MFSD12: variants seen among roughly 807,000 people sequenced by gnomAD.
MFSD12 encodes major facilitator superfamily domain containing 12.
In MFSD12, 67 loss-of-function variants were observed where a neutral mutation model predicts 51.2. The ratio of observed to expected loss-of-function variants is 1.31; its 90% confidence interval spans 1.08 to 1.60. The LOEUF is 1.60. Among genes scored for constraint, MFSD12 ranks in the 40% most tolerant of loss-of-function variants. The pLI is 0.00. For missense variants in MFSD12, 921 were observed against 673.0 expected (o/e 1.37, Z -4.08); for synonymous variants, 441 against 316.7 (o/e 1.39, Z -4.17).
intron 1 of MFSD12, among the ~76,000 whole-genome samples, chr19:3,552,754 G>C (rs561614193): frequency 3.3e-5 from 5 of 152,120 alleles, no homozygotes; most frequent in Non-Finnish European, 7.3e-5. Context: ...CAAAGTGCTC[G>C]GATTACAGAC....
chr19:3,543,290 A>ACACGCTGGAAGTACACGCC, downstream of MFSD12: 2 of 1,548,508 alleles, frequency 1.3e-6, no homozygotes. Context: ...CAGGCAGGCC[A>ACACGCTGGAAGTACACGCC]CACGCTGGAA....
At chr19:3,544,062 C>T (rs1427529827), downstream of MFSD12, 18 of 1,478,002 alleles carry the variant, frequency 1.2e-5, no homozygotes, top group African/African-American at 4.2e-5. Flanking sequence ...TGAGGGGGCA[C>T]TAACCTAGTC....
chr19:3,556,542 G>T (rs565749205), intron 1 of MFSD12, among the ~76,000 whole-genome samples: 1 of 151,490 alleles, frequency 6.6e-6, no homozygotes, highest in South Asian at 2.1e-4. Flanking sequence ...TGGACAGATG[G>T]GGGAGGCACT....
chr19:3,549,659 G>C (rs570409120), intron 2 of MFSD12, among the ~76,000 whole-genome samples: 9 of 149,408 alleles, frequency 6.0e-5, no homozygotes, highest in Admixed American at 2.7e-4. Context: ...GGAGGCAGAG[G>C]TTGCAGTGAG....
chr19:3,543,938 G>A (rs779943940), downstream of MFSD12: 2 of 1,551,230 alleles, frequency 1.3e-6, no homozygotes, highest in South Asian at 1.2e-5. Flanking sequence ...ACTACCGGGA[G>A]TGGGTCCTGG....
chr19:3,547,498 G>C lies in MFSD12; in HGVS notation c.887C>G (p.Thr296Ser). The change falls in exon 5 of 10, where the codon ACC becomes AGC. Residue 296 changes from threonine (T) to serine (S), a missense_variant. Physicochemically the swap from Thr to Ser is moderately conservative, Grantham distance 58. Transcript: ENST00000355415. ...TTRLIVNLSQ[T>S]YMAMYLTYSL... ...GTAGGTGAGGTACATGGCCATGTAG[G>C]TCTGGGACAGGTTCACGATGAGCCT... 5 of 1,613,096 alleles carry C rather than the reference G, an allele frequency of 3.1e-6. No homozygotes were observed. The highest frequency in any genetic ancestry group is 3.4e-6 in the Non-Finnish European group (4 of 1,179,936).
chr19:3,540,491 C>G (rs2030293839), downstream of MFSD12, among the ~76,000 whole-genome samples: 1 of 151,514 alleles, frequency 6.6e-6, no homozygotes, highest in Non-Finnish European at 1.5e-5. Context: ...CTCCTGACCT[C>G]ATGATCTGCC....
intron 6 of MFSD12, 68 bp from the exon 7 acceptor site, chr19:3,546,493 C>T: frequency 8.6e-6 from 13 of 1,507,344 alleles, no homozygotes; most frequent in Non-Finnish European, 1.2e-5. Context: ...TTCAATCCGC[C>T]ACCCCTACCC....
In MFSD12 at chr19:3,548,086, C is replaced by A. The variant is rs762680591; in HGVS notation, c.654+37G>T. Reference sequence around the variant, plus strand: ...GCGGGCCCAGCCCCCGCCCCTGGCTCGAGGACTTCAGGCGACCCACCCGGA... The same window carrying A: ...GCGGGCCCAGCCCCCGCCCCTGGCTAGAGGACTTCAGGCGACCCACCCGGA... On this transcript the variant is annotated intron_variant, in intron 3 of 9. Coordinates refer to ENST00000355415, the MANE Select transcript of MFSD12 (RefSeq NM_174983.5). 2.5e-6 allele frequency: 4 copies of A among 1,602,480 alleles called. No individual in the cohort carries two copies. The African/African-American group carries it at 5.3e-5, about 21-fold the overall frequency.
In MFSD12 at chr19:3,544,833, G is replaced by A. The variant is rs753069855; in HGVS notation, c.1396C>T (p.Leu466=). Residue 466 remains leucine (L), a synonymous_variant, in exon 9 of 10, where the codon CTG becomes TTG. Coordinates refer to ENST00000355415, the MANE Select transcript of MFSD12 (RefSeq NM_174983.5). ...AAALCLCSLL[L]WPTRLRRWDR... Reference sequence around the variant, plus strand: ...CAGCGTCGCAGGCGGGTCGGCCACAGCAGGAGGCTACAGAGACACAGGGCA... The same window carrying A: ...CAGCGTCGCAGGCGGGTCGGCCACAACAGGAGGCTACAGAGACACAGGGCA... The A allele has an allele frequency of 6.2e-7, 1 of 1,612,580 alleles. No homozygotes were observed. The highest frequency in any genetic ancestry group is 8.5e-7 in the Non-Finnish European group (1 of 1,179,696).
downstream of MFSD12, chr19:3,539,383 T>C (rs945344554): frequency 1.9e-5 from 12 of 643,378 alleles, no homozygotes; most frequent in Admixed American, 4.9e-5. Flanking sequence ...AAAAGGCTCA[T>C]GTGTGTGACG....
At chr19:3,545,831 A>AC (rs536581482) in intron 8 of MFSD12, among the ~76,000 whole-genome samples, 136 of 152,150 alleles carry the variant, frequency 8.9e-4, no homozygotes, top group Non-Finnish European at 1.7e-3. Context: ...AGCTGGGCCC[A>AC]CCCCCGATAT....
intron 6 of MFSD12, among the ~76,000 whole-genome samples, chr19:3,546,677 A>G (rs1038467568): frequency 6.6e-6 from 1 of 152,218 alleles, no homozygotes; most frequent in Non-Finnish European, 1.5e-5. Flanking sequence ...AGTTACAACG[A>G]AAGCAAACGA....
chr19:3,538,676 A>G, exon 5 of MFSD12: 1 of 455,868 alleles, frequency 2.2e-6, no homozygotes, highest in Non-Finnish European at 4.5e-6. Context: ...TGATCCCCTC[A>G]CCTTCACTGG....
At chr19:3,543,489 C>A (rs767395852), downstream of MFSD12, 1,264 of 1,521,030 alleles carry the variant, frequency 8.3e-4, 13 homozygotes, top group Non-Finnish European at 8.5e-4. Context: ...TGCCCCCCCC[C>A]CCGCCCTGGG....
intron 2 of MFSD12, 34 bp from the exon 3 acceptor site, chr19:3,548,301 G>C (rs372067143): frequency 6.5e-7 from 1 of 1,542,486 alleles, no homozygotes; most frequent in Non-Finnish European, 8.7e-7. Context: ...TCAACAAGAC[G>C]CCAGGAACCT....
At chr19:3,543,897 G>C (rs977893732), downstream of MFSD12, 4 of 1,550,808 alleles carry the variant, frequency 2.6e-6, no homozygotes, top group Non-Finnish European at 3.5e-6. Flanking sequence ...CTCCCTGTCG[G>C]CACCCCAGCG....
At chr19:3,554,656 C>T (rs1044382939) in intron 1 of MFSD12, among the ~76,000 whole-genome samples, 12 of 152,318 alleles carry the variant, frequency 7.9e-5, no homozygotes, top group African/African-American at 2.6e-4. Context: ...TCCGTCAAAA[C>T]CTCAAAGTTA....
chr19:3,553,626 C>T (rs1248192617), intron 1 of MFSD12, among the ~76,000 whole-genome samples: 1 of 147,274 alleles, frequency 6.8e-6, no homozygotes, highest in South Asian at 2.2e-4. Flanking sequence ...AAAAATTAGC[C>T]GGGCGTGGCG....
Sources: allele counts gnomAD v4.1 joint callset (sites outside exome capture counted in the v4.1 genomes callset), GRCh38; gene constraint gnomAD v4.1.1; transcripts MANE v1.5; gene names NCBI Gene and HGNC (gene_info 2026-07-23, HGNC 2026-07-21).